The following ANO10 variants were observed in gnomAD, a reference collection of about 807,000 sequenced individuals.
ANO10 encodes anoctamin 10, also known as anoctamin-10.
ANO10 carries 77 observed loss-of-function variants against 74.7 expected under a neutral mutation model. The observed-to-expected ratio is 1.03, with a 90% confidence interval of 0.86 to 1.25. The LOEUF is 1.25. ANO10 is among the 50% of genes most tolerant of loss of function. ANO10 has a pLI of 0.00. For synonymous variants in ANO10, 279 were observed against 284.9 expected, an observed-to-expected ratio of 0.98 and a Z score of 0.21; for missense variants, 721 against 778.1, an observed-to-expected ratio of 0.93 and a Z score of 0.87.
At chr3:43,416,008 G>A (rs1280917161) in intron 12 of ANO10, among the ~76,000 whole-genome samples, 3 of 133,272 alleles carry the variant, frequency 2.3e-5, no homozygotes, top group East Asian at 2.6e-4. Context: ...AGTGAACTCA[G>A]TCCAAGAAGT....
At chr3:43,415,381 T>C (rs1294218426) in intron 12 of ANO10, among the ~76,000 whole-genome samples, 2 of 152,106 alleles carry the variant, frequency 1.3e-5, no homozygotes, top group African/African-American at 4.8e-5. Context: ...GTATACCTGA[T>C]TCCAACAGCC....
At chr3:43,631,213 T>C (rs2083544329) in intron 1 of ANO10, among the ~76,000 whole-genome samples, 1 of 152,248 alleles carries the variant, frequency 6.6e-6, no homozygotes, top group African/African-American at 2.4e-5. Context: ...GGTTAGGATC[T>C]GGCTTTGTGA....
intron 4 of ANO10, among the ~76,000 whole-genome samples, chr3:43,592,253 T>A (rs1009962784): frequency 6.6e-6 from 1 of 152,300 alleles, no homozygotes; most frequent in South Asian, 2.1e-4. Context: ...AGAGTAGTGG[T>A]TCTCCCAGCA....
intron 11 of ANO10, among the ~76,000 whole-genome samples, chr3:43,548,144 C>A (rs2079285555): frequency 1.3e-5 from 2 of 152,220 alleles, no homozygotes; most frequent in South Asian, 2.1e-4. Context: ...AACCACCTGG[C>A]TTTCTGGTCA....
chr3:43,513,532 C>T (rs968796419), intron 11 of ANO10, among the ~76,000 whole-genome samples: 1 of 151,930 alleles, frequency 6.6e-6, no homozygotes, highest in South Asian at 2.1e-4. Context: ...TCTTTTGAGA[C>T]GGAGTCTCAC....
At chr3:43,536,172 T>C (rs2078702217) in intron 11 of ANO10, among the ~76,000 whole-genome samples, 1 of 152,258 alleles carries the variant, frequency 6.6e-6, no homozygotes, top group Admixed American at 6.5e-5. Context: ...CATTCCAAGT[T>C]GTTTAAAATG....
At chr3:43,557,176 T>C (rs1238489497) in intron 9 of ANO10, among the ~76,000 whole-genome samples, 2 of 151,300 alleles carry the variant, frequency 1.3e-5, no homozygotes, top group Non-Finnish European at 2.9e-5. Context: ...CACTGTGCAA[T>C]CTGCCTTTTA....
chr3:43,659,745 G>A (rs557859216), intron 1 of ANO10, among the ~76,000 whole-genome samples: 2 of 152,146 alleles, frequency 1.3e-5, no homozygotes, highest in Admixed American at 6.5e-5. Context: ...CATGGTGTTC[G>A]AGCTCCAGTA....
At chr3:43,409,803 T>C (rs906877517) in intron 12 of ANO10, among the ~76,000 whole-genome samples, 1 of 152,228 alleles carries the variant, frequency 6.6e-6, no homozygotes, top group Non-Finnish European at 1.5e-5. Context: ...CTGGGGTTAA[T>C]GTTGTGTTAA....
chr3:43,683,956 A>G (rs2084238821), intron 1 of ANO10, among the ~76,000 whole-genome samples: 1 of 152,254 alleles, frequency 6.6e-6, no homozygotes, highest in Non-Finnish European at 1.5e-5. Flanking sequence ...CTTAAATGTT[A>G]GACCTAAAAC....
intron 7 of ANO10, among the ~76,000 whole-genome samples, chr3:43,565,974 G>A (rs908565355): frequency 2.0e-5 from 3 of 152,152 alleles, no homozygotes; most frequent in African/African-American, 7.2e-5. Context: ...GTCAGTGGGT[G>A]CGCGCACCGT....
At chr3:43,625,281 G>C (rs952918287), upstream of ANO10, among the ~76,000 whole-genome samples, 5 of 152,218 alleles carry the variant, frequency 3.3e-5, no homozygotes, top group African/African-American at 1.2e-4. Flanking sequence ...ACATTTTGCT[G>C]ATAGTGTCTG....
chr3:43,650,063 A>C (rs1477962522), intron 1 of ANO10, among the ~76,000 whole-genome samples: 2 of 152,226 alleles, frequency 1.3e-5, no homozygotes, highest in Non-Finnish European at 2.9e-5. Context: ...GTCTTTTTGC[A>C]GAGGGCCAGT....
intron 11 of ANO10, among the ~76,000 whole-genome samples, chr3:43,457,488 T>G (rs1440201991): frequency 2.0e-5 from 3 of 152,064 alleles, no homozygotes; most frequent in African/African-American, 7.3e-5. Context: ...ATTGAAACAC[T>G]TATAAAAACC....
At chr3:43,525,501 C>T (rs79540117) in intron 11 of ANO10, among the ~76,000 whole-genome samples, 354 of 152,324 alleles carry the variant, frequency 2.3e-3, no homozygotes, top group Non-Finnish European at 3.8e-3. Flanking sequence ...TCAGCCTTAG[C>T]ACAAGGTGTG....
intron 12 of ANO10, among the ~76,000 whole-genome samples, chr3:43,376,861 C>T (rs1298598618): frequency 6.6e-6 from 1 of 152,130 alleles, no homozygotes; most frequent in Non-Finnish European, 1.5e-5. Context: ...ATCTTCCACC[C>T]AGGTTCTGCT....
chr3:43,594,316 C>T (rs1273072543), intron 4 of ANO10, among the ~76,000 whole-genome samples: 2 of 152,332 alleles, frequency 1.3e-5, no homozygotes, highest in East Asian at 1.9e-4. Flanking sequence ...ACATTCTTCT[C>T]AGCACCACAT....
intron 11 of ANO10, among the ~76,000 whole-genome samples, chr3:43,519,600 C>G (rs968378346): frequency 6.6e-6 from 1 of 152,108 alleles, no homozygotes; most frequent in Non-Finnish European, 1.5e-5. Context: ...GCTTGTTTGT[C>G]CTCCTATAAG....
chr3:43,690,731 T>C (rs1304481733), intron 1 of ANO10: 1 of 417,920 alleles, frequency 2.4e-6, no homozygotes, highest in Non-Finnish European at 4.2e-6. Context: ...CCAGTCCCTC[T>C]GGGCTGACTG....
Sources: allele counts gnomAD v4.1 joint callset (sites outside exome capture counted in the v4.1 genomes callset), GRCh38; gene constraint gnomAD v4.1.1; transcripts MANE v1.5; gene names NCBI Gene and HGNC (gene_info 2026-07-23, HGNC 2026-07-21).